TOGARAM1: variants seen among roughly 807,000 people sequenced by gnomAD.
The protein encoded by TOGARAM1 is TOG array regulator of axonemal microtubules 1.
In TOGARAM1, 100 loss-of-function variants were observed where a neutral mutation model predicts 166.6. The ratio of observed to expected loss-of-function variants is 0.60; its 90% confidence interval spans 0.51 to 0.71. The LOEUF (loss-of-function observed/expected upper bound fraction) is 0.71, where lower values mean the gene tolerates loss of function less well. Among genes scored for constraint, TOGARAM1 ranks in the 30% least tolerant of loss-of-function variants. The probability of loss-of-function intolerance (pLI) is 0.00; values close to 1 mark genes in which losing one functional copy is unlikely to be tolerated. For missense variants in TOGARAM1, 2,029 were observed against 2,102.7 expected, an observed-to-expected ratio of 0.96 and a Z score of 0.69; for synonymous variants, 758 against 763.8, an observed-to-expected ratio of 0.99 and a Z score of 0.13.
At chr14:45,009,908 A>G (rs1879691966) in intron 6 of TOGARAM1, among the ~76,000 whole-genome samples, 1 of 152,206 alleles carries the variant, frequency 6.6e-6, no homozygotes, top group African/African-American at 2.4e-5. Context: ...GAATAGATGT[A>G]TATTTAACTT....
At chr14:45,031,835 T>C (rs575871145) in intron 10 of TOGARAM1, among the ~76,000 whole-genome samples, 3 of 152,252 alleles carry the variant, frequency 2.0e-5, no homozygotes, top group Admixed American at 2.0e-4. Flanking sequence ...TCATCACAAC[T>C]GTAGTCAGAA....
intron 1 of TOGARAM1, among the ~76,000 whole-genome samples, chr14:44,986,044 A>G (rs1886774816): frequency 6.6e-6 from 1 of 152,180 alleles, no homozygotes; most frequent in Non-Finnish European, 1.5e-5. Context: ...AACTTAGTTG[A>G]AGACATGATT....
Position 45,073,471 on chromosome 14 carries a change from G to A in TOGARAM1, c.5232G>A (p.Gln1744=), listed in dbSNP as rs934980976. 3.7e-6 allele frequency: 6 copies of A among 1,614,120 alleles called. No homozygotes were observed. The highest frequency in any genetic ancestry group is 3.3e-5 in the Admixed American group (2 of 60,016). Reference sequence around the variant, plus strand: ...AAGCACTCTTTGCACAGATGGGTCAGAATCTGTTAAATCAGGCTGCATCTC... The same window carrying A: ...AAGCACTCTTTGCACAGATGGGTCAAAATCTGTTAAATCAGGCTGCATCTC... ...LSKALFAQMG[Q]NLLNQAASQP... is the part of the protein sequence containing the mutation. The change falls in exon 20 of 20, where the codon CAG becomes CAA. Residue 1744 remains glutamine, a synonymous_variant. Transcript: ENST00000361462.
At chr14:45,027,532 G>A (rs1880923619) in intron 9 of TOGARAM1, 58 bp downstream of exon 9, 1 of 1,334,010 alleles carries the variant, frequency 7.5e-7, no homozygotes, top group Admixed American at 2.4e-5. Flanking sequence ...TCATTGTTTT[G>A]TGTATATCAG....
At chr14:45,011,754 C>A in intron 6 of TOGARAM1, 1 of 394,016 alleles carries the variant, frequency 2.5e-6, no homozygotes, top group Admixed American at 4.2e-5. Flanking sequence ...GTTGGTAGTC[C>A]AAAAGGTGAA....
At chr14:45,040,699 A>C (rs1362971986) in intron 11 of TOGARAM1, among the ~76,000 whole-genome samples, 1 of 151,814 alleles carries the variant, frequency 6.6e-6, no homozygotes, top group Non-Finnish European at 1.5e-5. Context: ...TGAAATGGAC[A>C]AATTATTTAA....
intron 1 of TOGARAM1, among the ~76,000 whole-genome samples, chr14:44,980,545 G>A (rs141019501): frequency 1.3e-3 from 191 of 152,208 alleles, no homozygotes; most frequent in Non-Finnish European, 2.5e-3. Context: ...GTTGGGCATG[G>A]TGGCATGCAC....
At chr14:45,063,469 A>C (rs1319220271) in intron 16 of TOGARAM1, among the ~76,000 whole-genome samples, 2 of 141,316 alleles carry the variant, frequency 1.4e-5, no homozygotes, top group South Asian at 2.1e-4. Context: ...CTAGTATCTC[A>C]TTTGACAAAG....
intron 4 of TOGARAM1, among the ~76,000 whole-genome samples, chr14:45,004,928 CT>C (rs879728629): frequency 1.5e-4 from 22 of 147,680 alleles, no homozygotes; most frequent in Non-Finnish European, 2.0e-4. Context: ...TAATTTGAAA[CT>C]TTTTTTTTTT....
intron 13 of TOGARAM1, among the ~76,000 whole-genome samples, 183 bp from the exon 14 acceptor site, chr14:45,046,362 G>A (rs1468575158): frequency 1.3e-5 from 2 of 152,162 alleles, no homozygotes; most frequent in Non-Finnish European, 2.9e-5. Context: ...CTTGAACCCA[G>A]GAGGTCAAAG....
chr14:44,994,274 A>G (rs1015595084), intron 1 of TOGARAM1, among the ~76,000 whole-genome samples: 1 of 152,112 alleles, frequency 6.6e-6, no homozygotes, highest in African/African-American at 2.4e-5. Flanking sequence ...GTAGGCTACC[A>G]TGCCTGGCTA....
chr14:45,000,137 T>TA (rs1444658417), intron 3 of TOGARAM1, among the ~76,000 whole-genome samples: 1 of 152,136 alleles, frequency 6.6e-6, no homozygotes, highest in African/African-American at 2.4e-5. Context: ...TAGCTGGGAC[T>TA]ACAGGTACAC....
intron 1 of TOGARAM1, among the ~76,000 whole-genome samples, chr14:44,980,056 T>C (rs1366574911): frequency 6.6e-6 from 1 of 152,200 alleles, no homozygotes; most frequent in Non-Finnish European, 1.5e-5. Flanking sequence ...GAAGCTGGCC[T>C]CCTCTGTAGT....
intron 1 of TOGARAM1, among the ~76,000 whole-genome samples, chr14:44,987,101 C>T (rs979894512): frequency 5.3e-5 from 8 of 151,596 alleles, no homozygotes; most frequent in Admixed American, 5.3e-4. Flanking sequence ...TGCCACCACA[C>T]CCGGCTAATT....
chr14:45,038,576 G>A (rs940322171), intron 11 of TOGARAM1, among the ~76,000 whole-genome samples: 1 of 152,226 alleles, frequency 6.6e-6, no homozygotes, highest in African/African-American at 2.4e-5. Context: ...AGGGAATGTG[G>A]TGGCACCCAG....
intron 1 of TOGARAM1, among the ~76,000 whole-genome samples, chr14:44,979,598 G>A (rs1886419984): frequency 6.6e-6 from 1 of 152,188 alleles, no homozygotes; most frequent in Admixed American, 6.5e-5. Context: ...CTCTATGCCA[G>A]GCATTATTCT....
chr14:44,998,975 A>C (rs1887563313), intron 2 of TOGARAM1, among the ~76,000 whole-genome samples: 1 of 152,220 alleles, frequency 6.6e-6, no homozygotes, highest in African/African-American at 2.4e-5. Context: ...CTGCACAAAA[A>C]AAGTAAAGTA....
chr14:44,977,212 T>C (rs1886243138), intron 1 of TOGARAM1, among the ~76,000 whole-genome samples: 1 of 151,376 alleles, frequency 6.6e-6, no homozygotes, highest in East Asian at 1.9e-4. Flanking sequence ...TTAGCATAAA[T>C]TGAAGAAAAT....
At chr14:45,036,918 T>A (rs1339255763) in intron 11 of TOGARAM1, among the ~76,000 whole-genome samples, 2 of 152,204 alleles carry the variant, frequency 1.3e-5, no homozygotes, top group Non-Finnish European at 2.9e-5. Flanking sequence ...CTCAGAATCA[T>A]GGCGGGAGAC....
Sources: allele counts gnomAD v4.1 joint callset (sites outside exome capture counted in the v4.1 genomes callset), GRCh38; gene constraint gnomAD v4.1.1; transcripts MANE v1.5; gene names NCBI Gene and HGNC (gene_info 2026-07-23, HGNC 2026-07-21).